Variants in PAM observed in about 807,000 individuals in gnomAD.
The protein encoded by PAM is peptidyl-glycine alpha-amidating monooxygenase.
A neutral mutation model predicts 122.1 loss-of-function variants in PAM; 72 were observed. That is an observed-to-expected ratio of 0.59 (90% CI 0.49 to 0.72). The LOEUF (loss-of-function observed/expected upper bound fraction) is 0.72, where lower values mean the gene tolerates loss of function less well. Ranked by LOEUF, PAM falls within the 30% of genes least tolerant of loss-of-function variation. The pLI is 0.00. For synonymous variants in PAM, 389 were observed against 404.4 expected, an observed-to-expected ratio of 0.96 and a Z score of 0.46; for missense variants, 1,106 against 1,183.7, an observed-to-expected ratio of 0.93 and a Z score of 0.96.
At chr5:102,872,406 T>G (rs1237158142) in intron 3 of PAM, among the ~76,000 whole-genome samples, 1 of 152,212 alleles carries the variant, frequency 6.6e-6, no homozygotes, top group Non-Finnish European at 1.5e-5. Context: ...AAAATACTCC[T>G]ACAAAATGTT....
chr5:102,795,041 T>G (rs1309085918), intron 1 of PAM, among the ~76,000 whole-genome samples: 1 of 151,268 alleles, frequency 6.6e-6, no homozygotes, highest in Non-Finnish European at 1.5e-5. Context: ...AATAAAAAAA[T>G]TAGCTGGGAG....
chr5:102,815,972 A>AT (rs1365101668), intron 1 of PAM, among the ~76,000 whole-genome samples: 2 of 151,978 alleles, frequency 1.3e-5, no homozygotes, highest in Non-Finnish European at 1.5e-5. Flanking sequence ...AGTATTTGAG[A>AT]TTTTTTCATC....
chr5:102,950,919 T>A lies in PAM; in HGVS notation c.905+99T>A, dbSNP rs546562541. The stretch of plus-strand genomic sequence containing the variant: ...TTGTGAATAAATTGTACATTTTTTG[T>A]CCTGTCATGGACAATTACAACAAAC... On this transcript the variant is annotated intron_variant, in intron 12 of 25. Transcript: ENST00000438793. 72 of 746,426 alleles carry A rather than the reference T, an allele frequency of 9.6e-5. No individual in the cohort carries two copies. In the African/African-American group the frequency reaches 1.1e-3, roughly 12 times the overall value. 46.2% of individuals were successfully genotyped at this position (746,426 alleles called of 1,614,324 possible). A position where few individuals can be genotyped will look rare whatever the true frequency, so the allele number is the denominator to read the frequency against.
rs146970673 is a variant in PAM at position 102,966,385 on chromosome 5, A to G, written c.1162+5156A>G. Reference sequence around the variant, plus strand: ...GTAGTTATGAAAACCATCATCTTCTATCTTCTCCTTTTTTATATTTGTCTC... The same window carrying G: ...GTAGTTATGAAAACCATCATCTTCTGTCTTCTCCTTTTTTATATTTGTCTC... On this transcript the variant is annotated intron_variant, in intron 14 of 25. Transcript: ENST00000438793. 1.8e-3 allele frequency among the ~76,000 whole-genome samples: 267 copies of G among 152,220 alleles called. 7 individuals are homozygous for G. In the East Asian group the frequency reaches 0.047, roughly 27 times the overall value.
At chr5:102,967,517 G>A (rs373186832) in intron 14 of PAM, among the ~76,000 whole-genome samples, 2 of 152,124 alleles carry the variant, frequency 1.3e-5, no homozygotes, top group East Asian at 3.9e-4. Context: ...TATCTGCTAG[G>A]ATAGGGAAAG....
In PAM at chr5:102,993,903, A is replaced by C. The variant is rs150789661; in HGVS notation, c.1613+3502A>C. ...CTAGATCATGTCTCATTGCACGTTA[A>C]ACCAGTTATTTTGGGCAGAGGAATA... On this transcript the variant is annotated intron_variant, in intron 16 of 25. Transcript: ENST00000438793. 6.2e-3 allele frequency among the ~76,000 whole-genome samples: 939 copies of C among 152,248 alleles called. 4 individuals carry two copies. Among genetic ancestry groups the C allele is most frequent in the Non-Finnish European group, 8.6e-3 (585 of 68,002 alleles).
intron 14 of PAM, among the ~76,000 whole-genome samples, chr5:102,971,458 T>C (rs773209800): frequency 2.6e-5 from 4 of 152,142 alleles, no homozygotes; most frequent in Non-Finnish European, 5.9e-5. Flanking sequence ...GGAGTTGCCA[T>C]ACAGGGAAAG....
At chr5:102,807,875 T>G (rs757056768) in intron 1 of PAM, among the ~76,000 whole-genome samples, 4 of 152,198 alleles carry the variant, frequency 2.6e-5, no homozygotes, top group Non-Finnish European at 5.9e-5. Flanking sequence ...AATAGAATCA[T>G]GTAAAGATGT....
At chr5:102,986,994 A>G (rs1446467067) in intron 15 of PAM, among the ~76,000 whole-genome samples, 3 of 152,198 alleles carry the variant, frequency 2.0e-5, no homozygotes, top group Non-Finnish European at 4.4e-5. Flanking sequence ...CTTTATCAGC[A>G]GTGTGAAAAC....
Position 103,005,190 on chromosome 5 carries a change from T to C in PAM, c.1767T>C (p.Asp589=), listed in dbSNP as rs778242734. ...CACATGGCTTGAGTATAGATAAAGA[T>C]GGGAATTATTGGGTCACAGACGTGG... ...YLPHGLSIDK[D]GNYWVTDVAL... The change falls in exon 18 of 26, where the codon GAT becomes GAC. Residue 589 remains aspartate, a synonymous_variant. Transcript: ENST00000438793. 5 of 1,509,988 alleles carry C rather than the reference T, an allele frequency of 3.3e-6. No individual in the cohort carries two copies. In the African/African-American group the frequency reaches 6.9e-5, roughly 21 times the overall value. The allele number at this position is 1,509,988 out of a possible 1,614,324, so 93.5% of individuals were successfully genotyped here.
At chr5:102,777,812 G>A (rs1757580653) in intron 1 of PAM, among the ~76,000 whole-genome samples, 1 of 152,076 alleles carries the variant, frequency 6.6e-6, no homozygotes, top group Admixed American at 6.6e-5. Flanking sequence ...TCCCTACAAA[G>A]CAGAGGTCAT....
In PAM at chr5:102,790,514, G is replaced by A. The variant is rs186813476; in HGVS notation, c.-374+35166G>A. Among the ~76,000 whole-genome samples, 7 of 152,108 alleles carry A rather than the reference G, an allele frequency of 4.6e-5. No homozygotes were observed. The East Asian group carries it at 1.3e-3, about 29-fold the overall frequency. On this transcript the variant is annotated intron_variant, in intron 1 of 25. Coordinates refer to ENST00000438793, the MANE Select transcript of PAM (RefSeq NM_001177306.2). ...GAGGATGATTTGACTATTATCCTGGGAATAGATCTAAGTGATGAGAAACCT... is the reference window on the plus strand; with the variant it reads ...GAGGATGATTTGACTATTATCCTGGAAATAGATCTAAGTGATGAGAAACCT...
At chr5:102,955,263 ATCTT>A (rs1760341592) in intron 12 of PAM, among the ~76,000 whole-genome samples, 1 of 152,032 alleles carries the variant, frequency 6.6e-6, no homozygotes, top group South Asian at 2.1e-4. Context: ...TGTATTACAT[ATCTT>A]TCTAATATAA....
chr5:102,789,845 T>G (rs937253010), intron 1 of PAM, among the ~76,000 whole-genome samples: 3 of 152,064 alleles, frequency 2.0e-5, no homozygotes, highest in African/African-American at 7.2e-5. Flanking sequence ...TAAAATGGCA[T>G]TATAAAGTAA....
At chr5:102,758,003 C>T (rs1394384758) in intron 1 of PAM, among the ~76,000 whole-genome samples, 2 of 142,570 alleles carry the variant, frequency 1.4e-5, no homozygotes, top group African/African-American at 5.3e-5. Context: ...GATCATGCCA[C>T]CACACTCCAA....
chr5:102,960,094 A>G lies in PAM; in HGVS notation c.1090+35A>G, dbSNP rs369232639. 13 of 1,166,768 alleles carry G rather than the reference A, an allele frequency of 1.1e-5. No homozygotes were observed. The African/African-American group carries it at 1.7e-4, about 16-fold the overall frequency. 72.3% of individuals were successfully genotyped at this position (1,166,768 alleles called of 1,614,324 possible). ...GATGTTTAATATAAAGTAATATATG[A>G]TTTTGTATTTTATATTTTTGTATGT... On this transcript the variant is annotated intron_variant, in intron 13 of 25. Transcript: ENST00000438793.
chr5:102,958,489 A>G (rs1582175845), intron 12 of PAM, among the ~76,000 whole-genome samples: 1 of 152,114 alleles, frequency 6.6e-6, no homozygotes, highest in Non-Finnish European at 1.5e-5. Flanking sequence ...GACCAACTCC[A>G]AGGCTGTTAA....
intron 1 of PAM, among the ~76,000 whole-genome samples, chr5:102,810,238 A>T (rs1368782993): frequency 6.6e-6 from 1 of 152,200 alleles, no homozygotes; most frequent in African/African-American, 2.4e-5. Context: ...TATCCACGAA[A>T]ATACACTTTT....
intron 4 of PAM, among the ~76,000 whole-genome samples, chr5:102,908,596 T>C (rs1335137748): frequency 6.6e-6 from 1 of 150,862 alleles, no homozygotes. Flanking sequence ...AGGGATAGCA[T>C]TGGGAGATAT....
Sources: gnomAD v4.1 joint callset for allele counts (sites outside exome capture counted in the v4.1 genomes callset) on GRCh38, gnomAD v4.1.1 for gene constraint, MANE v1.5 for transcripts, NCBI Gene and HGNC (gene_info 2026-07-23, HGNC 2026-07-21) for gene names.